Variants in RBFOX1 observed in about 807,000 individuals in gnomAD.
The protein encoded by RBFOX1 is RNA binding protein fox-1 homolog 1.
RBFOX1 carries 8 observed loss-of-function variants against 57.7 expected under a neutral mutation model. The observed-to-expected ratio is 0.14, with a 90% confidence interval of 0.08 to 0.25. RBFOX1 has a LOEUF of 0.25. Among genes scored for constraint, RBFOX1 ranks in the 10% least tolerant of loss-of-function variants. RBFOX1 has a pLI of 1.00. For synonymous variants in RBFOX1, 326 were observed against 222.4 expected (o/e 1.47, Z -4.15); for missense variants, 611 against 548.5 (o/e 1.11, Z -1.14).
intron 11 of RBFOX1, among the ~76,000 whole-genome samples, chr16:7,639,720 G>A (rs931982763): frequency 6.6e-6 from 1 of 152,082 alleles, no homozygotes; most frequent in Non-Finnish European, 1.5e-5. Context: ...CCTCTCAGTA[G>A]GTGAATTAAG....
At chr16:6,942,588 G>T (rs2153504466) in intron 3 of RBFOX1, among the ~76,000 whole-genome samples, 1 of 152,248 alleles carries the variant, frequency 6.6e-6, no homozygotes, top group Middle Eastern at 3.4e-3. Flanking sequence ...GCAAGTGATT[G>T]GGTGATCAAG....
intron 4 of RBFOX1, among the ~76,000 whole-genome samples, chr16:7,063,295 C>T (rs1181425893): frequency 6.6e-6 from 1 of 151,986 alleles, no homozygotes; most frequent in African/African-American, 2.4e-5. Flanking sequence ...GTAAGATATT[C>T]CCCCCAACCC....
chr16:7,305,078 G>A (rs1568123477), intron 4 of RBFOX1, among the ~76,000 whole-genome samples: 1 of 151,528 alleles, frequency 6.6e-6, no homozygotes, highest in South Asian at 2.1e-4. Context: ...AAGAAGGTGA[G>A]CTGTTTAGGA....
intron 1 of RBFOX1, among the ~76,000 whole-genome samples, chr16:6,178,606 T>C (rs2097034011): frequency 6.6e-6 from 1 of 152,192 alleles, no homozygotes; most frequent in African/African-American, 2.4e-5. Context: ...AAAGAAGGAA[T>C]GTGTTTAGTT....
chr16:6,889,244 C>G (rs940941904), intron 3 of RBFOX1, among the ~76,000 whole-genome samples: 12 of 152,196 alleles, frequency 7.9e-5, no homozygotes, highest in African/African-American at 2.9e-4. Context: ...CTTCTCCCAC[C>G]CCATTCTTGC....
intron 3 of RBFOX1, among the ~76,000 whole-genome samples, chr16:6,913,069 C>T (rs756338664): frequency 3.3e-5 from 5 of 152,080 alleles, no homozygotes; most frequent in Non-Finnish European, 7.3e-5. Flanking sequence ...GGAAAGGGCC[C>T]CAGGCAGGAA....
At chr16:7,419,261 C>A (rs565468627) in intron 4 of RBFOX1, among the ~76,000 whole-genome samples, 51 of 152,240 alleles carry the variant, frequency 3.3e-4, no homozygotes, top group Non-Finnish European at 6.0e-4. Flanking sequence ...TTGGTTGCTG[C>A]CTTGTCCCTT....
chr16:6,836,083 G>C (rs912120906), intron 3 of RBFOX1, among the ~76,000 whole-genome samples: 1 of 152,160 alleles, frequency 6.6e-6, no homozygotes, highest in Non-Finnish European at 1.5e-5. Flanking sequence ...GCTACAAAAC[G>C]CCTGCTATAG....
At chr16:6,711,087 A>G (rs2063630323) in intron 3 of RBFOX1, among the ~76,000 whole-genome samples, 1 of 152,192 alleles carries the variant, frequency 6.6e-6, no homozygotes, top group South Asian at 2.1e-4. Flanking sequence ...GTCTTTCTTG[A>G]CACTTCTGTT....
At chr16:6,480,427 G>A (rs2095355335) in intron 2 of RBFOX1, among the ~76,000 whole-genome samples, 1 of 152,182 alleles carries the variant, frequency 6.6e-6, no homozygotes, top group Non-Finnish European at 1.5e-5. Context: ...GCATAGCTAT[G>A]TTTCAATAAA....
At chr16:5,477,722 A>G (rs554082964) in intron 2 of RBFOX1, among the ~76,000 whole-genome samples, 6 of 152,276 alleles carry the variant, frequency 3.9e-5, no homozygotes, top group South Asian at 4.2e-4. Flanking sequence ...ATGGGCATGT[A>G]TGTCAGGACG....
intron 5 of RBFOX1, among the ~76,000 whole-genome samples, chr16:7,546,800 C>T (rs2084673547): frequency 6.6e-6 from 1 of 152,142 alleles, no homozygotes; most frequent in South Asian, 2.1e-4. Context: ...TGTAGTTGGA[C>T]ACTTAAATTT....
At chr16:6,029,591 G>A (rs1443659102) in intron 1 of RBFOX1, among the ~76,000 whole-genome samples, 1 of 151,090 alleles carries the variant, frequency 6.6e-6, no homozygotes, top group Non-Finnish European at 1.5e-5. Flanking sequence ...GGCTAACATG[G>A]TGAAACCCCG....
At position 5,358,933 on chromosome 16, in the gene RBFOX1, T is replaced by A. The variant is rs1477112086; in HGVS notation, c.220-108283T>A. Among the ~76,000 whole-genome samples, 4 of 152,234 alleles carry A rather than the reference T, an allele frequency of 2.6e-5. No individual in the cohort carries two copies. The East Asian group carries it at 7.7e-4, about 29-fold the overall frequency. On this transcript the variant is annotated intron_variant, in intron 1 of 2. Transcript: ENST00000585867. Reference sequence around the variant, plus strand: ...CCTTTGTATGTGTTTTGATACCCATTATTCCTCCCCACCTCTCCCTCCACC... The same window carrying A: ...CCTTTGTATGTGTTTTGATACCCATAATTCCTCCCCACCTCTCCCTCCACC...
At chr16:6,937,015 C>T (rs1286077735) in intron 3 of RBFOX1, among the ~76,000 whole-genome samples, 16 of 151,700 alleles carry the variant, frequency 1.1e-4, no homozygotes, top group Admixed American at 8.5e-4. Context: ...GTGGGGGTAG[C>T]ACACCAGCAT....
Position 6,019,948 on chromosome 16 carries a change from T to A in RBFOX1, c.-171T>A, listed in dbSNP as rs1309557091. 5 of 1,533,730 alleles carry A rather than the reference T, an allele frequency of 3.3e-6. No homozygotes were observed. The highest frequency in any genetic ancestry group is 4.4e-6 in the Non-Finnish European group (5 of 1,145,692). On this transcript the variant is annotated 5_prime_UTR_variant, in exon 1 of 16. Transcript: ENST00000550418. The surrounding 1 kb of genome is among the most constrained non-coding windows in gnomAD (Gnocchi z 4.2). The stretch of plus-strand genomic sequence containing the variant: ...GAGAGCGCACGGGAATTCGGGGGTC[T>A]GGGGCCGAGAACGTGACCGCAGCCG...
In RBFOX1 at chr16:7,568,307, G is replaced by C. The variant is rs904412105; in HGVS notation, c.271-11470G>C. ...TTATTCATGAGTTTTCTGGGAAAGG[G>C]TTGGGCAATTCCCAGAACTTAGGGT... On this transcript the variant is annotated intron_variant, in intron 5 of 15. Transcript: ENST00000550418. Among the ~76,000 whole-genome samples, 114 of 152,248 alleles carry C rather than the reference G, an allele frequency of 7.5e-4. 4 individuals are homozygous for C. Among genetic ancestry groups the C allele is most frequent in the Non-Finnish European group, 1.5e-4 (10 of 68,034 alleles).
intron 1 of RBFOX1, among the ~76,000 whole-genome samples, chr16:6,282,362 T>G (rs1484600133): frequency 1.3e-5 from 2 of 150,642 alleles, no homozygotes; most frequent in Non-Finnish European, 3.0e-5. Context: ...TCTGTTTTTT[T>G]TTTTTTTTTT....
intron 4 of RBFOX1, among the ~76,000 whole-genome samples, chr16:6,007,226 T>A (rs1200226065): frequency 6.6e-6 from 1 of 152,180 alleles, no homozygotes; most frequent in Admixed American, 6.5e-5. Flanking sequence ...AGGACAGAAA[T>A]GATGAGATAT....
Sources: allele counts gnomAD v4.1 joint callset (sites outside exome capture counted in the v4.1 genomes callset), GRCh38; gene constraint gnomAD v4.1.1; non-coding constraint Gnocchi (gnomAD v3.1); transcripts MANE v1.5; gene names NCBI Gene and HGNC (gene_info 2026-07-23, HGNC 2026-07-21).